NLRP5: variants seen among roughly 807,000 people sequenced by gnomAD.
NLRP5 encodes the protein NLR family pyrin domain containing 5.
In NLRP5, 93 loss-of-function variants were observed where a neutral mutation model predicts 113.1. That is an observed-to-expected ratio of 0.82 (90% confidence interval 0.70 to 0.98). The LOEUF is 0.98. Among genes scored for constraint, NLRP5 ranks in the 50% least tolerant of loss-of-function variants. The probability of loss-of-function intolerance (pLI) is 0.00; values close to 1 mark genes in which losing one functional copy is unlikely to be tolerated. For synonymous variants in NLRP5, 751 were observed against 600.7 expected, an observed-to-expected ratio of 1.25 and a Z score of -3.66; for missense variants, 1,808 against 1,514.3, an observed-to-expected ratio of 1.19 and a Z score of -3.22.
chr19:56,027,903 G>T lies in NLRP5; in HGVS notation c.1670G>T (p.Gly557Val). Reference sequence around the variant, plus strand: ...GACGACCTCATGGTTCAAGGACTCGGGGAGTCTGAGCTCCGTGCTCTGTTT... The same window carrying T: ...GACGACCTCATGGTTCAAGGACTCGTGGAGTCTGAGCTCCGTGCTCTGTTT... Residue 557 changes from glycine (G) to valine (V), a missense_variant, in exon 7 of 15, where the codon GGG becomes GTG. By Grantham distance (109) the Gly-to-Val change is moderately radical. Transcript: ENST00000390649. 1.2e-6 allele frequency: 2 copies of T among 1,613,838 alleles called. No homozygotes were observed. Among genetic ancestry groups the T allele is most frequent in the South Asian group, 2.2e-5 (2 of 91,048 alleles).
At position 56,020,996 on chromosome 19, in the gene NLRP5, C is replaced by T. The variant is rs560809169; in HGVS notation, c.679+565C>T. ...TCAAGCGATTCTTCTGTCTCAGCCT[C>T]CCGAGTAGCTGGGATTACAGGCCTG... On this transcript the variant is annotated intron_variant, in intron 6 of 14. Coordinates refer to ENST00000390649, the MANE Select transcript of NLRP5 (RefSeq NM_153447.4). 2.0e-5 allele frequency among the ~76,000 whole-genome samples: 3 copies of T among 151,900 alleles called. No individual in the cohort carries two copies. In the South Asian group the frequency reaches 6.3e-4, roughly 32 times the overall value.
chr19:56,042,152 T>C (rs1476684172), intron 11 of NLRP5, among the ~76,000 whole-genome samples: 1 of 152,184 alleles, frequency 6.6e-6, no homozygotes, highest in Non-Finnish European at 1.5e-5. Flanking sequence ...GCACTCCCGG[T>C]ATTGATTTGG....
rs575842624 is a variant in NLRP5, at chr19:56,044,413, C to T, written c.2957+3321C>T. ...TTGTGTTAGGTGAGAGATGAGGATC[C>T]GGTTTCATTCTCCGACATGTGGCTA... On this transcript the variant is annotated intron_variant, in intron 11 of 14. Coordinates refer to ENST00000390649, the MANE Select transcript of NLRP5 (RefSeq NM_153447.4). Among the ~76,000 whole-genome samples the T allele has an allele frequency of 3.2e-4, 49 of 152,258 alleles. 1 individual carries two copies. Among genetic ancestry groups the T allele is most frequent in the African/African-American group, 1.1e-3 (45 of 41,544 alleles).
In NLRP5 at chr19:56,050,486, G is replaced by C; in HGVS notation, c.3026G>C (p.Trp1009Ser). 5 of 1,613,878 alleles carry C rather than the reference G, an allele frequency of 3.1e-6. No homozygotes were observed. The highest frequency in any genetic ancestry group is 4.2e-6 in the Non-Finnish European group (5 of 1,179,840). Reference sequence around the variant, plus strand: ...GCACTTGCGCTTATGGGTAACTCATGGCTGACGCACCTGAGCCTTAGCATG... The same window carrying C: ...GCACTTGCGCTTATGGGTAACTCATCGCTGACGCACCTGAGCCTTAGCATG... Residue 1009 changes from tryptophan to serine, a missense_variant, in exon 12 of 15, where the codon TGG becomes TCG. By Grantham distance (177) the Trp-to-Ser change is radical. Transcript: ENST00000390649.
chr19:56,046,977 G>C (rs996136384), intron 11 of NLRP5, among the ~76,000 whole-genome samples: 1 of 152,120 alleles, frequency 6.6e-6, no homozygotes, highest in Non-Finnish European at 1.5e-5. Context: ...AAGCTAGGAG[G>C]GTTGGATCTT....
At chr19:56,019,827 C>G (rs180868196) in intron 5 of NLRP5, among the ~76,000 whole-genome samples, 2 of 147,892 alleles carry the variant, frequency 1.4e-5, no homozygotes, top group Admixed American at 1.4e-4. Flanking sequence ...AAAAACATGT[C>G]TTGCCTTCAT....
intron 3 of NLRP5, among the ~76,000 whole-genome samples, chr19:56,014,281 C>A (rs1049564597): frequency 6.6e-6 from 1 of 152,004 alleles, no homozygotes; most frequent in South Asian, 2.1e-4. Flanking sequence ...GATATCCAGA[C>A]CCTCCTGGCC....
At chr19:56,050,014 T>C (rs1056139361) in intron 11 of NLRP5, among the ~76,000 whole-genome samples, 1 of 152,134 alleles carries the variant, frequency 6.6e-6, no homozygotes, top group Non-Finnish European at 1.5e-5. Context: ...GTGTGGTGGC[T>C]GACACCTGTA....
chr19:56,008,658 G>A, intron 2 of NLRP5, 130 bp from the exon 3 acceptor site: 5 of 770,752 alleles, frequency 6.5e-6, no homozygotes, highest in South Asian at 1.6e-5. Context: ...GGCCAATCAT[G>A]GAATAAACTG....
the NLRP5 span, among the ~76,000 whole-genome samples, chr19:55,992,044 C>T: frequency 1.3e-5 from 2 of 151,882 alleles, no homozygotes; most frequent in South Asian, 2.1e-4. Context: ...TCAGGTAGAC[C>T]CCAGTATCTG....
chr19:56,030,850 A>G (rs1367926003), intron 7 of NLRP5, among the ~76,000 whole-genome samples: 3 of 150,890 alleles, frequency 2.0e-5, no homozygotes, highest in Non-Finnish European at 2.9e-5. Context: ...TAGTAGCTGG[A>G]CTACAGTTGC....
At position 55,999,757 on chromosome 19, in the gene NLRP5, C is replaced by G. The variant is rs757058002; in HGVS notation, c.32C>G (p.Ala11Gly). Residue 11 changes from alanine (A) to glycine (G), a missense_variant, in exon 1 of 15, where the codon GCT (alanine) becomes GGT (glycine). Coordinates refer to ENST00000390649, the MANE Select transcript of NLRP5 (RefSeq NM_153447.4). The stretch of plus-strand genomic sequence containing the variant: ...GTTGCAGGAGGACTTGAACTTGGAG[C>G]TGCTGCTCTGCTCTCAGCATCACCA... 2.5e-6 allele frequency: 4 copies of G among 1,613,448 alleles called. No homozygotes were observed. The South Asian group carries it at 4.4e-5, about 18-fold the overall frequency.
At chr19:56,013,596 G>GGTTTTTT (rs1555765383) in intron 3 of NLRP5, among the ~76,000 whole-genome samples, 7,757 of 59,644 alleles carry the variant, frequency 0.13, 890 homozygotes, top group Non-Finnish European at 0.16. Flanking sequence ...GGACATTTGG[G>GGTTTTTT]TTTTTTTTTT....
chr19:56,021,093 C>A (rs1483204336), intron 6 of NLRP5, among the ~76,000 whole-genome samples: 1 of 152,118 alleles, frequency 6.6e-6, no homozygotes, highest in African/African-American at 2.4e-5. Flanking sequence ...GTCGGTCTCG[C>A]ACTCCTGATC....
chr19:55,996,572 T>C (rs1319777372), upstream of NLRP5, among the ~76,000 whole-genome samples: 1 of 152,102 alleles, frequency 6.6e-6, no homozygotes, highest in East Asian at 1.9e-4. Flanking sequence ...CACCTATGAG[T>C]GAGAACATGT....
upstream of NLRP5, among the ~76,000 whole-genome samples, chr19:55,998,686 A>ACG (rs1555762396): frequency 0.026 from 1,225 of 47,546 alleles, 83 homozygotes; most frequent in African/African-American, 0.097. Context: ...ATATATATAT[A>ACG]TATATATATA....
chr19:56,026,898 C>T lies in NLRP5; in HGVS notation c.680-15C>T, dbSNP rs1364792810. ...GTCTGTTTCCTGATTTTCATTCTAC[C>T]CTCTCTGACTCCAGGACATGGAGGT... is the stretch of plus-strand genomic sequence containing the variant. On this transcript the variant is annotated splice_polypyrimidine_tract_variant and intron_variant, in intron 6 of 14. Transcript: ENST00000390649. The T allele has an allele frequency of 3.9e-6, 6 of 1,544,744 alleles. No homozygotes were observed. The highest frequency in any genetic ancestry group is 5.3e-6 in the Non-Finnish European group (6 of 1,142,366).
At chr19:56,060,314 C>A (rs554778795) in intron 14 of NLRP5, among the ~76,000 whole-genome samples, 1 of 152,106 alleles carries the variant, frequency 6.6e-6, no homozygotes, top group Non-Finnish European at 1.5e-5. Flanking sequence ...CTCTAGTAGA[C>A]TATAAGCTTG....
intron 3 of NLRP5, among the ~76,000 whole-genome samples, chr19:56,011,228 A>C (rs1298382566): frequency 6.6e-6 from 1 of 152,126 alleles, no homozygotes; most frequent in Non-Finnish European, 1.5e-5. Context: ...GGCTAAGTGA[A>C]GGAAACCATC....
Sources: allele counts gnomAD v4.1 joint callset (sites outside exome capture counted in the v4.1 genomes callset), GRCh38; gene constraint gnomAD v4.1.1; transcripts MANE v1.5; gene names NCBI Gene and HGNC (gene_info 2026-07-23, HGNC 2026-07-21).